CD8B2: variants seen among roughly 807,000 people sequenced by gnomAD.
CD8B2 encodes CD8B family member 2.
In CD8B2, 11 loss-of-function variants were observed where a neutral mutation model predicts 23.7. The observed-to-expected ratio is 0.46, with a 90% CI of 0.29 to 0.77. The LOEUF (loss-of-function observed/expected upper bound fraction) is 0.77. Ranked by LOEUF, CD8B2 falls within the 30% of genes least tolerant of loss-of-function variation. The probability of loss-of-function intolerance (pLI) is 0.09; values close to 1 mark genes in which losing one functional copy is unlikely to be tolerated. For synonymous variants in CD8B2, 90 were observed against 109.3 expected (o/e 0.82, Z 1.10); for missense variants, 197 against 270.5 (o/e 0.73, Z 1.91).
chr2:106,543,296 C>T (rs982411179), intron 5 of CD8B2: 4 of 152,104 alleles, frequency 2.6e-5, no homozygotes, highest in Admixed American at 2.0e-4. Context: ...CTGAGGCCTC[C>T]TGGGAAGATC....
At chr2:106,497,985 T>A (rs971900606) in intron 3 of CD8B2, among the ~76,000 whole-genome samples, 2 of 152,054 alleles carry the variant, frequency 1.3e-5, no homozygotes, top group African/African-American at 4.8e-5. Flanking sequence ...AGAAACAACC[T>A]GCCACCAAAA....
chr2:106,521,384 C>T (rs1308406207), intron 5 of CD8B2, among the ~76,000 whole-genome samples: 3 of 152,216 alleles, frequency 2.0e-5, no homozygotes, highest in Admixed American at 2.0e-4. Context: ...CTAGCATTCA[C>T]CTGTGAAAGC....
chr2:106,515,825 TC>T (rs1679720956), downstream of CD8B2, among the ~76,000 whole-genome samples: 1 of 90,792 alleles, frequency 1.1e-5, no homozygotes, highest in Non-Finnish European at 2.4e-5. Context: ...CACTTTAGAC[TC>T]CTCTTTTTTT....
In CD8B2 at chr2:106,491,253, C is replaced by T. The variant is rs1227696769; in HGVS notation, c.403+20C>T. 2.1e-6 allele frequency: 3 copies of T among 1,446,936 alleles called. No homozygotes were observed. The highest frequency in any genetic ancestry group is 1.4e-5 in the African/African-American group (1 of 72,424). The allele number at this position is 1,446,936 out of a possible 1,614,324, so 89.6% of individuals were successfully genotyped here. ...GTGTGGGTAAAAAGCAGGCTCAATGCTATCAGTGAGCACCGACTGTGTGCC... is the reference window on the plus strand; with the variant it reads ...GTGTGGGTAAAAAGCAGGCTCAATGTTATCAGTGAGCACCGACTGTGTGCC... On this transcript the variant is annotated intron_variant, in intron 2 of 5. Coordinates refer to ENST00000643224, the MANE Select transcript of CD8B2 (RefSeq NM_001349727.2).
chr2:106,528,578 A>T (rs1157508319), intron 5 of CD8B2, among the ~76,000 whole-genome samples: 1 of 152,262 alleles, frequency 6.6e-6, no homozygotes, highest in Non-Finnish European at 1.5e-5. Flanking sequence ...GAGAATCTGC[A>T]GTCTGTTCAA....
intron 5 of CD8B2, among the ~76,000 whole-genome samples, chr2:106,519,694 A>G (rs1051675143): frequency 3.3e-5 from 5 of 152,236 alleles, no homozygotes; most frequent in African/African-American, 1.2e-4. Context: ...GGGGTGTCCA[A>G]TCTTTTGGCT....
At chr2:106,505,206 T>C (rs1474425245) in intron 5 of CD8B2, among the ~76,000 whole-genome samples, 1 of 152,214 alleles carries the variant, frequency 6.6e-6, no homozygotes, top group East Asian at 1.9e-4. Context: ...AGAGACTGTT[T>C]CACATCTGCC....
At chr2:106,531,441 T>C (rs1255594003) in intron 5 of CD8B2, among the ~76,000 whole-genome samples, 1 of 152,186 alleles carries the variant, frequency 6.6e-6, no homozygotes, top group African/African-American at 2.4e-5. Context: ...TGCACTTATT[T>C]TCTGTCCTCT....
Position 106,499,358 on chromosome 2 carries a change from C to G in CD8B2, c.493+3096C>G, listed in dbSNP as rs373234447. On this transcript the variant is annotated intron_variant, in intron 3 of 5. Coordinates refer to ENST00000643224, the MANE Select transcript of CD8B2 (RefSeq NM_001349727.2). ...GACCAGCCTGATCAACATGGCGAAA[C>G]CCGTCTCCACTAAAAATACAAAAAT... is the stretch of plus-strand genomic sequence containing the variant. Among the ~76,000 whole-genome samples the G allele has an allele frequency of 3.9e-5, 6 of 152,102 alleles. No individual in the cohort carries two copies. The East Asian group carries it at 7.8e-4, about 20-fold the overall frequency.
intron 2 of CD8B2, 112 bp downstream of exon 2, chr2:106,491,345 C>T: frequency 1.1e-6 from 1 of 905,856 alleles, no homozygotes; most frequent in South Asian, 1.6e-5. Flanking sequence ...TGACTAATGG[C>T]ACTGCTGCTA....
intron 5 of CD8B2, among the ~76,000 whole-genome samples, chr2:106,539,372 A>G (rs568498894): frequency 6.6e-6 from 1 of 152,332 alleles, no homozygotes; most frequent in African/African-American, 2.4e-5. Flanking sequence ...CAAAAGGCAA[A>G]CATATTTATA....
chr2:106,516,675 T>A (rs1041717457), intron 5 of CD8B2, among the ~76,000 whole-genome samples: 2 of 152,170 alleles, frequency 1.3e-5, no homozygotes, highest in African/African-American at 4.8e-5. Context: ...AGCTCTTTCG[T>A]AAGCCTTTGC....
intron 2 of CD8B2, 150 bp from the exon 3 acceptor site, chr2:106,496,023 T>G (rs1679292710): frequency 7.5e-7 from 1 of 1,328,160 alleles, no homozygotes; most frequent in Admixed American, 2.3e-5. Flanking sequence ...GGTCTCAACC[T>G]CCCGAGCTCA....
chr2:106,507,918 C>A lies in CD8B2; in HGVS notation c.*978C>A, dbSNP rs1402665995. On this transcript the variant is annotated 3_prime_UTR_variant, in exon 6 of 6. Transcript: ENST00000643224. ...TGAACTAGCACGTGTTCATTTCTACCGCGGGTTGAACCGCAGGGATCCCTG... is the reference window on the plus strand; with the variant it reads ...TGAACTAGCACGTGTTCATTTCTACAGCGGGTTGAACCGCAGGGATCCCTG... 2 of 149,804 alleles carry A rather than the reference C, an allele frequency of 1.3e-5. No homozygotes were observed. Among genetic ancestry groups the A allele is most frequent in the Non-Finnish European group, 3.0e-5 (2 of 67,636 alleles). The allele number at this position is 149,804 out of a possible 1,614,324, so 9.3% of individuals were successfully genotyped here. A position where few individuals can be genotyped will look rare whatever the true frequency, so the allele number is the denominator to read the frequency against.
At chr2:106,528,270 T>C (rs1243208032) in intron 5 of CD8B2, among the ~76,000 whole-genome samples, 2 of 152,248 alleles carry the variant, frequency 1.3e-5, no homozygotes, top group African/African-American at 4.8e-5. Context: ...TTTAGAGTTA[T>C]TGTGATTTTA....
intron 5 of CD8B2, chr2:106,538,172 A>G (rs1680117795): frequency 6.6e-6 from 1 of 152,210 alleles, no homozygotes; most frequent in Non-Finnish European, 1.5e-5. Flanking sequence ...GTGGCACAAA[A>G]CTAGCCAATA....
intron 1 of CD8B2, among the ~76,000 whole-genome samples, chr2:106,490,103 TCTGTCCAGCAACGGACAGA>T (rs1033938554): frequency 3.3e-5 from 5 of 151,740 alleles, no homozygotes; most frequent in African/African-American, 1.2e-4. Flanking sequence ...CCTACCAGGG[TCTGTCCAGCAACGGACAGA>T]CCAGCCACAT....
At chr2:106,495,536 C>T (rs1380271878) in intron 2 of CD8B2, among the ~76,000 whole-genome samples, 2 of 152,002 alleles carry the variant, frequency 1.3e-5, no homozygotes, top group Non-Finnish European at 2.9e-5. Context: ...GAGACTTTGT[C>T]TCAAAAAATA....
At chr2:106,504,188 T>C (rs1679462233) in intron 4 of CD8B2, 101 bp from the exon 5 acceptor site, 1 of 1,507,172 alleles carries the variant, frequency 6.6e-7, no homozygotes, top group South Asian at 1.3e-5. Context: ...GGAGGTGGGC[T>C]GAGGTGTCAG....
Sources: allele counts gnomAD v4.1 joint callset (sites outside exome capture counted in the v4.1 genomes callset), GRCh38; gene constraint gnomAD v4.1.1; transcripts MANE v1.5; gene names NCBI Gene and HGNC (gene_info 2026-07-23, HGNC 2026-07-21).